The following EXOC4 variants were observed in gnomAD, a reference collection of about 807,000 sequenced individuals.
EXOC4 encodes the protein exocyst complex component 4, also known as SEC8-like 1.
Under a neutral mutation model 107.2 loss-of-function variants are expected in EXOC4, and 71 were observed. That is an observed-to-expected ratio of 0.66 (90% CI 0.55 to 0.81). EXOC4 has a LOEUF of 0.81. EXOC4 is among the 30% of genes least tolerant of loss of function. The probability of loss-of-function intolerance (pLI) is 0.00; values close to 1 mark genes in which losing one functional copy is unlikely to be tolerated. For synonymous variants in EXOC4, 456 were observed against 441.2 expected (o/e 1.03, Z -0.42); for missense variants, 1,108 against 1,189.6 (o/e 0.93, Z 1.01).
chr7:134,046,922 C>T (rs1307265909), intron 17 of EXOC4, among the ~76,000 whole-genome samples: 1 of 152,158 alleles, frequency 6.6e-6, no homozygotes, highest in Non-Finnish European at 1.5e-5. Flanking sequence ...GCTCCAAAGG[C>T]AGATGTTTTG....
chr7:133,596,883 A>G (rs901251024), intron 9 of EXOC4, among the ~76,000 whole-genome samples: 2 of 152,184 alleles, frequency 1.3e-5, no homozygotes, highest in Non-Finnish European at 2.9e-5. Context: ...CCTTGCTTGT[A>G]TCTATTTATG....
chr7:133,535,107 G>A (rs1417278570), intron 9 of EXOC4, among the ~76,000 whole-genome samples: 2 of 152,126 alleles, frequency 1.3e-5, no homozygotes, highest in Non-Finnish European at 2.9e-5. Flanking sequence ...CAATCTTTTT[G>A]AGTGTCAAAT....
rs1389171470 is a variant in EXOC4, at chr7:133,494,744, CT to C, written c.1417+14609del. 5.9e-5 allele frequency among the ~76,000 whole-genome samples: 9 copies of C among 152,082 alleles called. 1 individual carries two copies. Among genetic ancestry groups the C allele is most frequent in the African/African-American group, 2.2e-4 (9 of 41,398 alleles). On this transcript the variant is annotated intron_variant, in intron 9 of 17. Transcript: ENST00000253861. ...TAACTTATTCTAACCAATTGAAATC[CT>C]TTGTCATCCCCAAATTATAATCAGT...
At chr7:133,652,630 G>A in intron 10 of EXOC4, among the ~76,000 whole-genome samples, 1 of 152,084 alleles carries the variant, frequency 6.6e-6, no homozygotes, top group Non-Finnish European at 1.5e-5. Flanking sequence ...GTTCAAGAAG[G>A]AGACTTAGAG....
At chr7:133,560,689 T>A (rs1288755321) in intron 9 of EXOC4, among the ~76,000 whole-genome samples, 1 of 152,222 alleles carries the variant, frequency 6.6e-6, no homozygotes, top group African/African-American at 2.4e-5. Context: ...GAATTCCCAT[T>A]ACTAATCTCT....
chr7:134,003,326 G>A (rs1794571897), intron 15 of EXOC4, among the ~76,000 whole-genome samples: 1 of 152,140 alleles, frequency 6.6e-6, no homozygotes, highest in South Asian at 2.1e-4. Context: ...AGGGACACAG[G>A]GAATTTTGGA....
At chr7:133,977,880 A>G (rs184407760) in intron 14 of EXOC4, among the ~76,000 whole-genome samples, 5 of 152,278 alleles carry the variant, frequency 3.3e-5, no homozygotes, top group Admixed American at 6.5e-5. Context: ...GGAAGGCAAG[A>G]TGGAGAGAAT....
chr7:133,938,000 A>G lies in EXOC4; in HGVS notation c.2137A>G (p.Met713Val), dbSNP rs780514601. ...CAGTGACCTCAAAGCCTTGGCCAACATGCATGAAAGCCTGGAATGGTTGGC... is the reference window on the plus strand; with the variant it reads ...CAGTGACCTCAAAGCCTTGGCCAACGTGCATGAAAGCCTGGAATGGTTGGC... ...DVSDLKALAN[M>V]HESLEWLASR... Residue 713 changes from methionine (M) to valine (V), a missense_variant, in exon 14 of 18, where the codon ATG (methionine) becomes GTG (valine). By Grantham distance (21) the Met-to-Val change is conservative (BLOSUM62 1). Coordinates refer to ENST00000253861, the MANE Select transcript of EXOC4 (RefSeq NM_021807.4). 8 of 1,614,046 alleles carry G rather than the reference A, an allele frequency of 5.0e-6. No individual in the cohort carries two copies. The Admixed American group carries it at 8.3e-5, about 17-fold the overall frequency.
intron 14 of EXOC4, among the ~76,000 whole-genome samples, chr7:133,978,068 A>G (rs1793885526): frequency 6.6e-6 from 1 of 152,212 alleles, no homozygotes; most frequent in African/African-American, 2.4e-5. Context: ...ACAGCAGCCA[A>G]GCTTCAGTCA....
intron 9 of EXOC4, among the ~76,000 whole-genome samples, chr7:133,581,877 C>T (rs1164230629): frequency 1.3e-5 from 2 of 151,912 alleles, no homozygotes; most frequent in East Asian, 3.9e-4. Context: ...GGCCTCATGG[C>T]AGAAGGCAAA....
At chr7:133,578,573 G>A (rs1053885592) in intron 9 of EXOC4, among the ~76,000 whole-genome samples, 2 of 152,086 alleles carry the variant, frequency 1.3e-5, no homozygotes, top group African/African-American at 4.8e-5. Flanking sequence ...CAGGTTATTT[G>A]TACAGCTGTA....
intron 11 of EXOC4, among the ~76,000 whole-genome samples, chr7:133,869,018 C>A (rs937715164): frequency 6.6e-6 from 1 of 151,730 alleles, no homozygotes; most frequent in African/African-American, 2.4e-5. Context: ...CACCCGCCCC[C>A]GCCCTTCTTT....
At chr7:133,356,978 T>G (rs1234329888) in intron 6 of EXOC4, among the ~76,000 whole-genome samples, 1 of 152,216 alleles carries the variant, frequency 6.6e-6, no homozygotes, top group African/African-American at 2.4e-5. Context: ...AGACTCCGTC[T>G]TAAAAAATAA....
chr7:133,823,903 A>ATAT (rs1797629442), intron 11 of EXOC4, among the ~76,000 whole-genome samples: 1 of 28,474 alleles, frequency 3.5e-5, no homozygotes, highest in African/African-American at 3.5e-4. Context: ...TTTTATATAT[A>ATAT]TATATATAAA....
At chr7:133,983,936 C>T (rs893494401) in intron 14 of EXOC4, among the ~76,000 whole-genome samples, 10 of 152,160 alleles carry the variant, frequency 6.6e-5, no homozygotes, top group Non-Finnish European at 1.2e-4. Flanking sequence ...TTGGCCACAC[C>T]ATATGCTTTT....
chr7:133,978,157 A>C (rs1793887517), intron 14 of EXOC4, among the ~76,000 whole-genome samples: 1 of 152,224 alleles, frequency 6.6e-6, no homozygotes, highest in Non-Finnish European at 1.5e-5. Context: ...TCCTTTGTAC[A>C]TCCCTCCCGT....
chr7:133,332,884 C>T (rs1220276366), intron 5 of EXOC4, among the ~76,000 whole-genome samples: 1 of 151,598 alleles, frequency 6.6e-6, no homozygotes, highest in Non-Finnish European at 1.5e-5. Flanking sequence ...GGTTATTTAC[C>T]CTTCTGGGTG....
intron 17 of EXOC4, among the ~76,000 whole-genome samples, chr7:134,021,203 G>A (rs1795020906): frequency 6.6e-6 from 1 of 152,192 alleles, no homozygotes; most frequent in Admixed American, 6.5e-5. Flanking sequence ...CTGTAAACAT[G>A]TCTGAGATAT....
chr7:133,676,295 G>A (rs1051014529), intron 10 of EXOC4, among the ~76,000 whole-genome samples: 26 of 151,988 alleles, frequency 1.7e-4, no homozygotes, highest in African/African-American at 5.6e-4. Context: ...TAGAATGGGC[G>A]CAAAATTTTA....
Sources: allele counts gnomAD v4.1 joint callset (sites outside exome capture counted in the v4.1 genomes callset), GRCh38; gene constraint gnomAD v4.1.1; transcripts MANE v1.5; gene names NCBI Gene and HGNC (gene_info 2026-07-23, HGNC 2026-07-21).